CSRNP3: variants seen among roughly 807,000 people sequenced by gnomAD.
The protein encoded by CSRNP3 is cysteine and serine rich nuclear protein 3.
CSRNP3 carries 12 observed loss-of-function variants against 48.0 expected under a neutral mutation model. That is an observed-to-expected ratio of 0.25 (90% CI 0.16 to 0.41). The LOEUF (loss-of-function observed/expected upper bound fraction) is 0.41, where lower values mean the gene tolerates loss of function less well. Ranked by LOEUF, CSRNP3 falls within the 10% of genes least tolerant of loss-of-function variation. The probability of loss-of-function intolerance (pLI) is 1.00; values close to 1 mark genes in which losing one functional copy is unlikely to be tolerated. For missense variants in CSRNP3, 580 were observed against 724.4 expected, an observed-to-expected ratio of 0.80 and a Z score of 2.29; for synonymous variants, 263 against 269.7, an observed-to-expected ratio of 0.98 and a Z score of 0.24.
At chr2:165,599,315 A>AAGAAAGAAAGAAAGAAAGAAAGAC (rs1685868644) in intron 4 of CSRNP3, among the ~76,000 whole-genome samples, 1 of 150,984 alleles carries the variant, frequency 6.6e-6, no homozygotes, top group Non-Finnish European at 1.5e-5. Context: ...GAAAGAAAGA[A>AAGAAAGAAAGAAAGAAAGAAAGAC]AGAAAGAAAG....
intron 1 of CSRNP3, among the ~76,000 whole-genome samples, chr2:165,479,210 T>C (rs913544163): frequency 5.3e-5 from 8 of 152,082 alleles, no homozygotes; most frequent in Non-Finnish European, 1.2e-4. Flanking sequence ...TTAAGTAACG[T>C]AGGCACACAC....
intron 3 of CSRNP3, among the ~76,000 whole-genome samples, chr2:165,537,667 A>G (rs1684898598): frequency 6.6e-6 from 1 of 151,728 alleles, no homozygotes; most frequent in Non-Finnish European, 1.5e-5. Flanking sequence ...CATCAAAGAA[A>G]TATCATTATA....
chr2:165,501,262 G>A (rs1684356075), intron 2 of CSRNP3, among the ~76,000 whole-genome samples: 1 of 152,034 alleles, frequency 6.6e-6, no homozygotes. Context: ...GGAAACCTAG[G>A]GAGTTAAGTT....
At chr2:165,678,638 G>A in intron 6 of CSRNP3, 63 bp from the exon 7 acceptor site, 1 of 1,543,342 alleles carries the variant, frequency 6.5e-7, no homozygotes. Context: ...TTACTGAAAA[G>A]TTCTGGGCGT....
rs1384844575 is a variant in CSRNP3 at position 165,642,095 on chromosome 2, CACACACAA to C, written c.149-15658_149-15651del. Among the ~76,000 whole-genome samples the C allele has an allele frequency of 6.0e-3, 758 of 127,178 alleles. 10 individuals are homozygous for C. Among genetic ancestry groups the C allele is most frequent in the African/African-American group, 0.025 (730 of 28,894 alleles). The allele number at this position is 127,178 out of a possible 152,430, so 83.4% of individuals were successfully genotyped here. The stretch of plus-strand genomic sequence containing the variant: ...GCATCCAGTAGTACCTGAGAATACA[CACACACAA>C]ACACACACACACACACACACACACA... On this transcript the variant is annotated intron_variant, in intron 4 of 6. Transcript: ENST00000651982.
intron 2 of CSRNP3, among the ~76,000 whole-genome samples, chr2:165,516,973 G>T (rs1415073805): frequency 1.3e-5 from 2 of 152,008 alleles, no homozygotes; most frequent in African/African-American, 4.8e-5. Context: ...TAACATATTT[G>T]TAGAATTTCT....
At chr2:165,491,037 C>A (rs1024541164) in intron 1 of CSRNP3, among the ~76,000 whole-genome samples, 14 of 136,166 alleles carry the variant, frequency 1.0e-4, no homozygotes, top group South Asian at 4.8e-4. Context: ...AGAAAATTTT[C>A]GCAACCTACT....
At position 165,613,133 on chromosome 2, in the gene CSRNP3, G is replaced by A. The variant is rs979347261; in HGVS notation, c.148+17920G>A. Among the ~76,000 whole-genome samples the A allele has an allele frequency of 3.4e-4, 51 of 152,004 alleles. 1 individual carries two copies. The highest frequency in any genetic ancestry group is 2.9e-5 in the Non-Finnish European group (2 of 67,932). On this transcript the variant is annotated intron_variant, in intron 4 of 6. Coordinates refer to ENST00000651982, the MANE Select transcript of CSRNP3 (RefSeq NM_001172173.2). ...GCCATTCTAGTTGGAGTGACATGAT[G>A]TCTGATTGTGGTTTTGATTTGCATT... is the stretch of plus-strand genomic sequence containing the variant.
chr2:165,573,397 A>G (rs1685401655), intron 3 of CSRNP3, among the ~76,000 whole-genome samples: 1 of 152,220 alleles, frequency 6.6e-6, no homozygotes, highest in Non-Finnish European at 1.5e-5. Context: ...TTTTCTATGT[A>G]GAAAATAACC....
intron 1 of CSRNP3, among the ~76,000 whole-genome samples, chr2:165,482,411 G>A (rs565143630): frequency 9.2e-5 from 14 of 152,024 alleles, no homozygotes; most frequent in Admixed American, 3.3e-4. Flanking sequence ...CTACAGGCAC[G>A]CCCCACTACG....
At chr2:165,566,483 A>G (rs913818155) in intron 3 of CSRNP3, among the ~76,000 whole-genome samples, 1 of 151,510 alleles carries the variant, frequency 6.6e-6, no homozygotes. Context: ...GTGATGCCTC[A>G]ATGGTTTCAT....
chr2:165,589,628 A>G (rs1232590211), intron 3 of CSRNP3, among the ~76,000 whole-genome samples: 2 of 152,352 alleles, frequency 1.3e-5, no homozygotes, highest in African/African-American at 4.8e-5. Context: ...TTAAAGACCT[A>G]GACAGAACTT....
intron 5 of CSRNP3, among the ~76,000 whole-genome samples, chr2:165,664,726 G>A (rs1243111649): frequency 6.6e-6 from 1 of 152,098 alleles, no homozygotes; most frequent in Non-Finnish European, 1.5e-5. Flanking sequence ...CCAGGAATAT[G>A]TTACGTTATC....
At position 165,676,413 on chromosome 2, in the gene CSRNP3, G is replaced by A. The variant is rs773108700; in HGVS notation, c.510G>A (p.Glu170=). The change falls in exon 6 of 7, where the codon GAG becomes GAA. Residue 170 remains glutamate, a synonymous_variant. Transcript: ENST00000651982. ...DIDLDNTEVD[E]YFFLQPLPTK... ...ACCTGGACAACACAGAGGTAGATGA[G>A]TACTTCTTCCTACAACCTTTGCCAA... The A allele has an allele frequency of 6.2e-7, 1 of 1,613,792 alleles. No homozygotes were observed. The highest frequency in any genetic ancestry group is 1.3e-5 in the African/African-American group (1 of 74,926).
intron 3 of CSRNP3, among the ~76,000 whole-genome samples, chr2:165,559,687 A>C (rs911677192): frequency 2.6e-5 from 4 of 152,042 alleles, no homozygotes; most frequent in African/African-American, 9.7e-5. Flanking sequence ...CAATTAAGAC[A>C]AGAGATCTAT....
At chr2:165,547,627 T>C (rs1260788873) in intron 3 of CSRNP3, among the ~76,000 whole-genome samples, 4 of 152,082 alleles carry the variant, frequency 2.6e-5, no homozygotes, top group African/African-American at 4.8e-5. Flanking sequence ...AATTTCTCAA[T>C]GATTTCTTCT....
chr2:165,639,080 C>T (rs1365809801), intron 4 of CSRNP3, among the ~76,000 whole-genome samples: 1 of 152,102 alleles, frequency 6.6e-6, no homozygotes, highest in Non-Finnish European at 1.5e-5. Flanking sequence ...TGACCAACAA[C>T]ACCATAACTT....
At chr2:165,565,436 A>G (rs894611609) in intron 3 of CSRNP3, among the ~76,000 whole-genome samples, 1 of 152,216 alleles carries the variant, frequency 6.6e-6, no homozygotes, top group Non-Finnish European at 1.5e-5. Context: ...AAGTGCCACT[A>G]CCTTCTAATA....
intron 3 of CSRNP3, among the ~76,000 whole-genome samples, chr2:165,527,680 A>T (rs1347385876): frequency 6.6e-6 from 1 of 152,180 alleles, no homozygotes; most frequent in African/African-American, 2.4e-5. Context: ...AATTTCCTGA[A>T]AACACATCTA....
Sources: gnomAD v4.1 joint callset for allele counts (sites outside exome capture counted in the v4.1 genomes callset) on GRCh38, gnomAD v4.1.1 for gene constraint, MANE v1.5 for transcripts, NCBI Gene and HGNC (gene_info 2026-07-23, HGNC 2026-07-21) for gene names.